The following KIRREL2 variants were observed in gnomAD, a reference collection of about 807,000 sequenced individuals.
KIRREL2 encodes the protein kin of IRRE-like protein 2.
In KIRREL2, 56 loss-of-function variants were observed where a neutral mutation model predicts 73.4. That is an observed-to-expected ratio of 0.76 (90% CI 0.62 to 0.95). The LOEUF is 0.95. KIRREL2 is among the 40% of genes least tolerant of loss of function. KIRREL2 has a pLI of 0.00. For synonymous variants in KIRREL2, 407 were observed against 404.0 expected, an observed-to-expected ratio of 1.01 and a Z score of -0.09; for missense variants, 896 against 935.0, an observed-to-expected ratio of 0.96 and a Z score of 0.54.
At chr19:35,851,482 G>A (rs772222126), upstream of KIRREL2, 6 of 1,613,590 alleles carry the variant, frequency 3.7e-6, no homozygotes, top group Non-Finnish European at 5.1e-6. Context: ...CTTCCAGGCG[G>A]TACCTCGGGA....
chr19:35,862,704 A>G, intron 12 of KIRREL2, 107 bp downstream of exon 12: 1 of 856,286 alleles, frequency 1.2e-6, no homozygotes, highest in East Asian at 2.5e-5. Flanking sequence ...TCCCATTTCC[A>G]GCTCTGCACA....
At chr19:35,855,696 CACACACACACAT>C (rs1337722509), upstream of KIRREL2, among the ~76,000 whole-genome samples, 1,104 of 146,356 alleles carry the variant, frequency 7.5e-3, 29 homozygotes, top group East Asian at 0.056. Context: ...CACACACACA[CACACACACACAT>C]ACACACAGGA....
chr19:35,852,304 GTC>G (rs139954720), upstream of KIRREL2, among the ~76,000 whole-genome samples: 12,542 of 144,406 alleles, frequency 0.087, 967 homozygotes, highest in African/African-American at 0.22. Flanking sequence ...CTCTCTCTCT[GTC>G]TCTCTCTCTC....
At chr19:35,865,661 G>A (rs1973935642) in intron 14 of KIRREL2, among the ~76,000 whole-genome samples, 1 of 152,194 alleles carries the variant, frequency 6.6e-6, no homozygotes, top group Admixed American at 6.5e-5. Flanking sequence ...ACTATGCTGA[G>A]GGCTCTACCA....
chr19:35,852,086 CT>C (rs1210600220), upstream of KIRREL2, among the ~76,000 whole-genome samples: 148 of 141,084 alleles, frequency 1.0e-3, 1 homozygote, highest in South Asian at 2.9e-3. Flanking sequence ...TTTCTTTTTT[CT>C]TTTTTTTTTC....
rs1371753955 is a variant in KIRREL2, at chr19:35,857,111, G to C, written c.-9G>C. 6.2e-7 allele frequency: 1 copy of C among 1,613,936 alleles called. No homozygotes were observed. The highest frequency in any genetic ancestry group is 1.3e-5 in the African/African-American group (1 of 75,026). On this transcript the variant is annotated 5_prime_UTR_variant, in exon 1 of 15. Transcript: ENST00000360202. Reference sequence around the variant, plus strand: ...TGCGACGGCAAATCTCGTGAACCTTGGGGGACGAATGCTCAGGATGCGGGT... The same window carrying C: ...TGCGACGGCAAATCTCGTGAACCTTCGGGGACGAATGCTCAGGATGCGGGT...
chr19:35,857,540 G>C, intron 2 of KIRREL2, 46 bp downstream of exon 2: 4 of 1,493,354 alleles, frequency 2.7e-6, no homozygotes, highest in Non-Finnish European at 3.6e-6. Flanking sequence ...TAGGGGGAGA[G>C]TTGCTGGGCT....
In KIRREL2 at chr19:35,865,303, A is replaced by G. The variant is rs115909932; in HGVS notation, c.1791+590A>G. Among the ~76,000 whole-genome samples, 1,147 of 149,294 alleles carry G rather than the reference A, an allele frequency of 7.7e-3. 15 individuals are homozygous for G. Among genetic ancestry groups the G allele is most frequent in the African/African-American group, 0.027 (1,101 of 40,388 alleles). ...CCATTCTCCTGCCTCAGGCTCCCTAATAGCTGGCTAATTTTTCTTGTATTT... is the reference window on the plus strand; with the variant it reads ...CCATTCTCCTGCCTCAGGCTCCCTAGTAGCTGGCTAATTTTTCTTGTATTT... On this transcript the variant is annotated intron_variant, in intron 14 of 14. Transcript: ENST00000360202.
chr19:35,862,056 G>C lies in KIRREL2; in HGVS notation c.1510+32G>C, dbSNP rs372611937. On this transcript the variant is annotated intron_variant, in intron 11 of 14. Coordinates refer to ENST00000360202, the MANE Select transcript of KIRREL2 (RefSeq NM_199180.4). ...CCCCAGCCCGAAGACCCCAAATCTG[G>C]AGAGTCTAAACCCCACAAACGCAGG... 142 of 1,568,186 alleles carry C rather than the reference G, an allele frequency of 9.1e-5. 2 individuals carry two copies. Among genetic ancestry groups the C allele is most frequent in the East Asian group, 4.8e-4 (21 of 43,818 alleles).
chr19:35,865,295 G>C (rs1973922126), intron 14 of KIRREL2, among the ~76,000 whole-genome samples: 1 of 148,426 alleles, frequency 6.7e-6, no homozygotes, highest in African/African-American at 2.5e-5. Flanking sequence ...CCTGCCTCAG[G>C]CTCCCTAATA....
chr19:35,852,086 CTTT>C (rs1210600220), upstream of KIRREL2, among the ~76,000 whole-genome samples: 1 of 141,042 alleles, frequency 7.1e-6, no homozygotes, highest in African/African-American at 2.6e-5. Flanking sequence ...TTTCTTTTTT[CTTT>C]TTTTTTTCTT....
upstream of KIRREL2, chr19:35,856,597 A>G (rs1365302160): frequency 5.7e-6 from 1 of 176,360 alleles, no homozygotes; most frequent in African/African-American, 2.4e-5. This position sits in a 1 kb window ranked among gnomAD's most constrained non-coding sequence, Gnocchi z 5.9. Context: ...CACTGAGCGC[A>G]GTCCCTCTAG....
Position 35,862,890 on chromosome 19 carries a change from C to T in KIRREL2, c.1616-37C>T, listed in dbSNP as rs369504428. The T allele has an allele frequency of 3.7e-5, 47 of 1,275,924 alleles. No individual in the cohort carries two copies. The Middle Eastern group carries it at 9.7e-4, about 26-fold the overall frequency. 79.0% of individuals were successfully genotyped at this position (1,275,924 alleles called of 1,614,324 possible). ...TATTGGTCTGCACACATTGTGACCC[C>T]GCCCATCGCTTAACTCCACCGGTCG... On this transcript the variant is annotated intron_variant, in intron 12 of 14. Coordinates refer to ENST00000360202, the MANE Select transcript of KIRREL2 (RefSeq NM_199180.4).
At position 35,860,976 on chromosome 19, in the gene KIRREL2, C is replaced by T; in HGVS notation, c.996C>T (p.Ser332=). Residue 332 remains serine (S), a synonymous_variant, in exon 8 of 15, where the codon AGC becomes AGT. Coordinates refer to ENST00000360202, the MANE Select transcript of KIRREL2 (RefSeq NM_199180.4). The part of the protein sequence containing the change: ...SVDVGEDASF[S]CAWRGNPLPR... ...ACGTGGGGGAAGACGCTTCCTTCAG[C>T]TGCGCCTGGCGCGGGAACCCGCTTC... is the stretch of plus-strand genomic sequence containing the variant. The T allele has an allele frequency of 6.2e-7, 1 of 1,613,670 alleles. No homozygotes were observed. Among genetic ancestry groups the T allele is most frequent in the Non-Finnish European group, 8.5e-7 (1 of 1,179,888 alleles).
upstream of KIRREL2, among the ~76,000 whole-genome samples, chr19:35,855,706 C>T (rs415554): frequency 0.11 from 10,371 of 90,496 alleles, 1,356 homozygotes; most frequent in African/African-American, 0.28. Flanking sequence ...CACACACACA[C>T]ATACACACAG....
Position 35,860,896 on chromosome 19 carries a change from C to G in KIRREL2, c.929-13C>G, listed in dbSNP as rs1299623675. 5 of 1,613,456 alleles carry G rather than the reference C, an allele frequency of 3.1e-6. No individual in the cohort carries two copies. Among genetic ancestry groups the G allele is most frequent in the Non-Finnish European group, 3.4e-6 (4 of 1,179,872 alleles). On this transcript the variant is annotated splice_polypyrimidine_tract_variant and intron_variant, in intron 7 of 14. Transcript: ENST00000360202. The stretch of plus-strand genomic sequence containing the variant: ...CCGCCCCGGCCATGTGACCCCTAGT[C>G]TCTTTCGTCCAGTTGGGCCGATTCT...
chr19:35,853,695 A>G (rs1973338068), upstream of KIRREL2, among the ~76,000 whole-genome samples: 1 of 151,056 alleles, frequency 6.6e-6, no homozygotes, highest in African/African-American at 2.4e-5. Flanking sequence ...TTGTAGAGAC[A>G]GGGTCTTTCT....
chr19:35,861,735 C>T, intron 10 of KIRREL2, 70 bp from the exon 11 acceptor site: 1 of 1,586,682 alleles, frequency 6.3e-7, no homozygotes, highest in Non-Finnish European at 8.6e-7. Flanking sequence ...TTCTGACTTC[C>T]CAGACATCCC....
upstream of KIRREL2, among the ~76,000 whole-genome samples, chr19:35,852,538 C>T (rs182085838): frequency 2.9e-3 from 448 of 152,252 alleles, 2 homozygotes; most frequent in Middle Eastern, 0.014. Context: ...CTTCCAGAGC[C>T]CCCAGCTCTG....
Sources: gnomAD v4.1 joint callset for allele counts (sites outside exome capture counted in the v4.1 genomes callset) on GRCh38, gnomAD v4.1.1 for gene constraint, Gnocchi (gnomAD v3.1) non-coding constraint, MANE v1.5 for transcripts, NCBI Gene and HGNC (gene_info 2026-07-23, HGNC 2026-07-21) for gene names.